The following OPCML variants were observed in gnomAD, a reference collection of about 807,000 sequenced individuals.
The protein encoded by OPCML is opioid-binding protein/cell adhesion molecule.
In OPCML, 13 loss-of-function variants were observed where a neutral mutation model predicts 37.8. That is an observed-to-expected ratio of 0.34 (90% CI 0.22 to 0.55). The LOEUF is 0.55. Among genes scored for constraint, OPCML ranks in the 20% least tolerant of loss-of-function variants. The pLI, the probability that OPCML is intolerant of heterozygous loss-of-function variation, is 0.91. For missense variants in OPCML, 341 were observed against 435.6 expected, an observed-to-expected ratio of 0.78 and a Z score of 1.93; for synonymous variants, 176 against 168.8, an observed-to-expected ratio of 1.04 and a Z score of -0.33.
chr11:132,915,615 T>A (rs540783509), intron 2 of OPCML, among the ~76,000 whole-genome samples: 1 of 152,180 alleles, frequency 6.6e-6, no homozygotes, highest in South Asian at 2.1e-4. Context: ...TCACCAGCAG[T>A]GTGTAAGTGT....
chr11:133,105,244 T>C (rs1190704245), intron 1 of OPCML, among the ~76,000 whole-genome samples: 1 of 152,196 alleles, frequency 6.6e-6, no homozygotes, highest in Non-Finnish European at 1.5e-5. Flanking sequence ...ATTATGTACC[T>C]GTGGTGCCGA....
chr11:133,529,259 C>A (rs1022887728), intron 1 of OPCML, among the ~76,000 whole-genome samples: 1 of 152,214 alleles, frequency 6.6e-6, no homozygotes, highest in Non-Finnish European at 1.5e-5. Context: ...ACATTTTAAC[C>A]TGCCTCTCTC....
chr11:133,004,910 G>A, intron 1 of OPCML: 1 of 985,354 alleles, frequency 1.0e-6, no homozygotes, highest in Non-Finnish European at 1.2e-6. Flanking sequence ...ACTAGCTTCT[G>A]TGGACTTCTC....
At chr11:132,998,956 C>G (rs1158549431) in intron 1 of OPCML, among the ~76,000 whole-genome samples, 1 of 152,162 alleles carries the variant, frequency 6.6e-6, no homozygotes, top group Non-Finnish European at 1.5e-5. Flanking sequence ...CACACTAAGA[C>G]AAACCTTAAC....
intron 2 of OPCML, among the ~76,000 whole-genome samples, chr11:132,849,939 A>G (rs556036207): frequency 1.3e-5 from 2 of 152,282 alleles, no homozygotes; most frequent in East Asian, 1.9e-4. Flanking sequence ...TGCTGTGTCC[A>G]CTCGAGCAGA....
chr11:132,686,147 T>A (rs1252905548), intron 2 of OPCML, among the ~76,000 whole-genome samples: 1 of 152,204 alleles, frequency 6.6e-6, no homozygotes, highest in African/African-American at 2.4e-5. Context: ...AGCATCAGGC[T>A]GTCCTTCAGG....
At chr11:132,840,966 G>T (rs1941261298) in intron 2 of OPCML, among the ~76,000 whole-genome samples, 1 of 152,144 alleles carries the variant, frequency 6.6e-6, no homozygotes, top group Non-Finnish European at 1.5e-5. Context: ...ATGGGACACT[G>T]CCTCTCAGGG....
At chr11:132,426,489 G>T (rs2095978000) in intron 7 of OPCML, among the ~76,000 whole-genome samples, 1 of 152,102 alleles carries the variant, frequency 6.6e-6, no homozygotes, top group African/African-American at 2.4e-5. Flanking sequence ...ACCCAGGCTG[G>T]AGCGCAGTGG....
chr11:133,196,144 A>C (rs973127153), intron 1 of OPCML, among the ~76,000 whole-genome samples: 1 of 152,240 alleles, frequency 6.6e-6, no homozygotes, highest in Non-Finnish European at 1.5e-5. Context: ...TAAATGTAGG[A>C]GGAACAAGGG....
intron 2 of OPCML, among the ~76,000 whole-genome samples, chr11:132,928,534 C>T (rs1334071350): frequency 6.6e-6 from 1 of 151,936 alleles, no homozygotes; most frequent in African/African-American, 2.4e-5. Flanking sequence ...GAGACATTAG[C>T]ACTCCACTTT....
At chr11:133,074,921 T>C (rs1385139877) in intron 1 of OPCML, among the ~76,000 whole-genome samples, 3 of 152,148 alleles carry the variant, frequency 2.0e-5, no homozygotes. Context: ...ATGCACAGAA[T>C]GACGCCCACC....
intron 2 of OPCML, among the ~76,000 whole-genome samples, chr11:132,709,990 G>A (rs1944195100): frequency 6.6e-6 from 1 of 152,170 alleles, no homozygotes; most frequent in Non-Finnish European, 1.5e-5. Flanking sequence ...AGAAACAAAT[G>A]TTTAGTGCTT....
intron 1 of OPCML, among the ~76,000 whole-genome samples, chr11:133,223,809 C>A (rs1453654881): frequency 1.3e-5 from 2 of 152,190 alleles, no homozygotes; most frequent in Admixed American, 1.3e-4. Context: ...CTCTGTGAAG[C>A]CCGCTCTTGC....
chr11:132,442,751 T>C (rs2096040528), intron 4 of OPCML, among the ~76,000 whole-genome samples: 1 of 152,192 alleles, frequency 6.6e-6, no homozygotes, highest in East Asian at 1.9e-4. Flanking sequence ...GGTTTATAAA[T>C]GGGAGTTCCC....
intron 1 of OPCML, among the ~76,000 whole-genome samples, chr11:133,168,972 T>C (rs951338254): frequency 6.6e-6 from 1 of 151,944 alleles, no homozygotes. Context: ...CTACTAAAAA[T>C]ACAAAAAGCT....
intron 1 of OPCML, among the ~76,000 whole-genome samples, chr11:132,956,908 G>A (rs1945987218): frequency 6.6e-6 from 1 of 152,108 alleles, no homozygotes; most frequent in Non-Finnish European, 1.5e-5. Context: ...AGGTGGGAGG[G>A]TTGCTTGAAG....
chr11:133,109,253 C>T (rs1195875049), intron 1 of OPCML, among the ~76,000 whole-genome samples: 1 of 152,100 alleles, frequency 6.6e-6, no homozygotes, highest in East Asian at 1.9e-4. Flanking sequence ...AAATATGGCA[C>T]GGACCCAAAG....
intron 2 of OPCML, among the ~76,000 whole-genome samples, chr11:132,722,247 G>A (rs921701015): frequency 4.4e-5 from 6 of 136,626 alleles, no homozygotes; most frequent in East Asian, 4.0e-4. Flanking sequence ...GAACCACCAC[G>A]TCCGGCCTAT....
At chr11:133,464,488 T>A (rs1244079326) in intron 1 of OPCML, among the ~76,000 whole-genome samples, 2 of 152,188 alleles carry the variant, frequency 1.3e-5, no homozygotes, top group Admixed American at 1.3e-4. Context: ...AGACCCTCAT[T>A]GGATGTGGAA....
Sources: gnomAD v4.1 joint callset for allele counts (sites outside exome capture counted in the v4.1 genomes callset) on GRCh38, gnomAD v4.1.1 for gene constraint, MANE v1.5 for transcripts, NCBI Gene and HGNC (gene_info 2026-07-23, HGNC 2026-07-21) for gene names.